The following C9 variants were observed in gnomAD, a reference collection of about 807,000 sequenced individuals.
The protein encoded by C9 is complement component C9.
Under a neutral mutation model 65.4 loss-of-function variants are expected in C9, and 63 were observed. The observed-to-expected ratio is 0.96, with a 90% CI of 0.79 to 1.19. The LOEUF is 1.19. C9 is among the 50% of genes most tolerant of loss of function. C9 has a pLI of 0.00. For missense variants in C9, 744 were observed against 670.1 expected, an observed-to-expected ratio of 1.11 and a Z score of -1.22; for synonymous variants, 229 against 227.9, an observed-to-expected ratio of 1.00 and a Z score of -0.04.
At chr5:39,341,367 C>T in intron 3 of C9, 74 bp from the exon 4 acceptor site, 1 of 1,549,092 alleles carries the variant, frequency 6.5e-7, no homozygotes, top group Non-Finnish European at 8.9e-7. Flanking sequence ...TTATCAAATG[C>T]ATTTTAACCC....
At chr5:39,336,700 T>C (rs1326694061) in intron 4 of C9, among the ~76,000 whole-genome samples, 1 of 152,174 alleles carries the variant, frequency 6.6e-6, no homozygotes, top group Non-Finnish European at 1.5e-5. Context: ...CTACTTTTCA[T>C]TTTTATAGTT....
Position 39,290,716 on chromosome 5 carries a change from G to A in C9, c.1417-1765C>T, listed in dbSNP as rs139113574. ...CAAGAGGTGGGCCCAGTATTCTAGG[G>A]CTACTAGTCCTCTTGACACATTTCC... On this transcript the variant is annotated intron_variant, in intron 9 of 10. Coordinates refer to ENST00000263408, the MANE Select transcript of C9 (RefSeq NM_001737.5). Among the ~76,000 whole-genome samples, 257 of 151,930 alleles carry A rather than the reference G, an allele frequency of 1.7e-3. 1 individual carries two copies. Among genetic ancestry groups the A allele is most frequent in the African/African-American group, 5.7e-3 (236 of 41,490 alleles).
intron 1 of C9, among the ~76,000 whole-genome samples, chr5:39,357,975 G>A (rs932876223): frequency 2.6e-5 from 4 of 152,256 alleles, no homozygotes; most frequent in Admixed American, 6.5e-5. Flanking sequence ...GAGAGAGAGA[G>A]AGAGATATTC....
chr5:39,322,804 C>A (rs980901638), intron 5 of C9, among the ~76,000 whole-genome samples: 2 of 152,012 alleles, frequency 1.3e-5, no homozygotes, highest in African/African-American at 4.8e-5. Context: ...TACAGTATAA[C>A]AACTATATAA....
chr5:39,335,507 T>C (rs909107878), intron 4 of C9, among the ~76,000 whole-genome samples: 3 of 152,228 alleles, frequency 2.0e-5, no homozygotes, highest in Non-Finnish European at 4.4e-5. Context: ...ACAAACTTTT[T>C]TTCTCTTGTA....
intron 9 of C9, among the ~76,000 whole-genome samples, chr5:39,292,905 T>C (rs935536612): frequency 6.7e-6 from 1 of 150,060 alleles, no homozygotes; most frequent in African/African-American, 2.4e-5. Context: ...GAGTAATATA[T>C]CAATACTGGA....
chr5:39,346,664 C>G (rs548423980), intron 1 of C9, among the ~76,000 whole-genome samples: 1 of 152,330 alleles, frequency 6.6e-6, no homozygotes, highest in Non-Finnish European at 1.5e-5. Flanking sequence ...CTCCCTAACT[C>G]ATTTTATGAG....
chr5:39,334,302 C>CG (rs1448609411), intron 4 of C9, among the ~76,000 whole-genome samples: 2,724 of 148,372 alleles, frequency 0.018, 85 homozygotes, highest in African/African-American at 0.065. Flanking sequence ...TGCCCGGCCG[C>CG]AACCCCGTCT....
intron 1 of C9, among the ~76,000 whole-genome samples, chr5:39,358,858 G>A (rs1189549931): frequency 3.3e-5 from 5 of 151,362 alleles, no homozygotes; most frequent in East Asian, 3.9e-4. Context: ...GGTGGCGGGC[G>A]CCTGTAGTCC....
chr5:39,346,730 T>C (rs192631518), intron 1 of C9, among the ~76,000 whole-genome samples: 165 of 152,290 alleles, frequency 1.1e-3, no homozygotes, highest in African/African-American at 3.7e-3. Flanking sequence ...AAAGAGAATT[T>C]TAGACCAATA....
chr5:39,294,937 A>G (rs893611656), intron 9 of C9, among the ~76,000 whole-genome samples: 4 of 151,926 alleles, frequency 2.6e-5, no homozygotes, highest in Non-Finnish European at 5.9e-5. Context: ...GAAACATCAC[A>G]TCAGCAAAAT....
At chr5:39,308,985 A>G (rs1350850695) in intron 7 of C9, among the ~76,000 whole-genome samples, 1 of 152,150 alleles carries the variant, frequency 6.6e-6, no homozygotes, top group Non-Finnish European at 1.5e-5. Context: ...TAGCTGGTTC[A>G]TCGCTTTGGA....
At chr5:39,306,596 G>A (rs750197514) in intron 9 of C9, 21 bp downstream of exon 9, 113 of 1,589,122 alleles carry the variant, frequency 7.1e-5, no homozygotes, top group Non-Finnish European at 9.4e-5. Context: ...TCTTCTGTTT[G>A]AAAATAAACA....
At chr5:39,321,349 A>T (rs994514294) in intron 5 of C9, among the ~76,000 whole-genome samples, 11 of 152,148 alleles carry the variant, frequency 7.2e-5, no homozygotes, top group Non-Finnish European at 1.6e-4. Context: ...AAAATAGCCT[A>T]TTATAACTAT....
chr5:39,309,723 C>T lies in C9; in HGVS notation c.1112-1365G>A, dbSNP rs184011781. On this transcript the variant is annotated intron_variant, in intron 7 of 10. Coordinates refer to ENST00000263408, the MANE Select transcript of C9 (RefSeq NM_001737.5). ...ATGGCTTGGTTCTCAGATATTGGCA[C>T]TGGAGAAGTGAGAAAGAGCACTTCC... Among the ~76,000 whole-genome samples the T allele has an allele frequency of 1.6e-3, 242 of 152,200 alleles. 1 individual carries two copies. The highest frequency in any genetic ancestry group is 5.3e-3 in the African/African-American group (222 of 41,528).
At chr5:39,344,521 G>A (rs749914320) in intron 1 of C9, among the ~76,000 whole-genome samples, 13 of 152,224 alleles carry the variant, frequency 8.5e-5, no homozygotes, top group Non-Finnish European at 1.8e-4. Flanking sequence ...ATGGGACTAT[G>A]TGAAAAGATC....
rs867705141 is a variant in C9, at chr5:39,316,106, G to T, written c.616-77C>A. ...AAAACAAGCAGAACAGAACCAAAGA[G>T]AAGTCAAACAATTCTTTGAAAGGCA... On this transcript the variant is annotated intron_variant, in intron 5 of 10. Coordinates refer to ENST00000263408, the MANE Select transcript of C9 (RefSeq NM_001737.5). The T allele has an allele frequency of 1.7e-5, 21 of 1,243,594 alleles. No individual in the cohort carries two copies. In the South Asian group the frequency reaches 1.9e-4, roughly 11 times the overall value. 77.0% of individuals were successfully genotyped at this position (1,243,594 alleles called of 1,614,324 possible).
In C9 at chr5:39,311,253, T is replaced by A. The variant is rs1331173047; in HGVS notation, c.995A>T (p.Lys332Met). 62 of 1,613,676 alleles carry A rather than the reference T, an allele frequency of 3.8e-5. No individual in the cohort carries two copies. Among genetic ancestry groups the A allele is most frequent in the Non-Finnish European group, 5.2e-5 (61 of 1,179,766 alleles). The change falls in exon 7 of 11, where the codon AAG (lysine) becomes ATG (methionine). Residue 332 changes from lysine (K) to methionine (M), a missense_variant. Coordinates refer to ENST00000263408, the MANE Select transcript of C9 (RefSeq NM_001737.5). Reference sequence around the variant, plus strand: ...TTCCAAAAAGGCAAAATATTCTCCCTTTTCATAGGTAGTTGGCAAAGCTTT... The same window carrying A: ...TTCCAAAAAGGCAAAATATTCTCCCATTTCATAGGTAGTTGGCAAAGCTTT... The part of the protein sequence containing the change: ...DIKALPTTYE[K>M]GEYFAFLETY...
At chr5:39,285,947 A>C (rs558806738) in intron 10 of C9, among the ~76,000 whole-genome samples, 1 of 152,122 alleles carries the variant, frequency 6.6e-6, no homozygotes, top group South Asian at 2.1e-4. Flanking sequence ...AGAACATTCT[A>C]TGTCAACATG....
Sources: gnomAD v4.1 joint callset for allele counts (sites outside exome capture counted in the v4.1 genomes callset) on GRCh38, gnomAD v4.1.1 for gene constraint, MANE v1.5 for transcripts, NCBI Gene and HGNC (gene_info 2026-07-23, HGNC 2026-07-21) for gene names.